The following NALF1 variants were observed in gnomAD, a reference collection of about 807,000 sequenced individuals.
The protein encoded by NALF1 is family with sequence similarity 155 member A.
In NALF1, 3 loss-of-function variants were observed where a neutral mutation model predicts 48.4. The observed-to-expected ratio is 0.06, with a 90% CI of 0.03 to 0.16. NALF1 has a LOEUF of 0.16. Among genes scored for constraint, NALF1 ranks in the 10% least tolerant of loss-of-function variants. The probability of loss-of-function intolerance (pLI) is 1.00; values close to 1 mark genes in which losing one functional copy is unlikely to be tolerated. For synonymous variants in NALF1, 262 were observed against 245.7 expected, an observed-to-expected ratio of 1.07 and a Z score of -0.62; for missense variants, 526 against 571.5, an observed-to-expected ratio of 0.92 and a Z score of 0.81.
intron 1 of NALF1, among the ~76,000 whole-genome samples, chr13:107,566,278 C>A (rs1411972252): frequency 6.6e-6 from 1 of 152,118 alleles, no homozygotes; most frequent in Admixed American, 6.5e-5. Context: ...AGGTAACCTG[C>A]CAGCATCTTT....
chr13:107,789,075 C>T (rs1194178732), intron 1 of NALF1: 2 of 152,056 alleles, frequency 1.3e-5, no homozygotes, highest in East Asian at 1.9e-4. Flanking sequence ...ACCTCTCCCT[C>T]GGGTTGCCGT....
intron 1 of NALF1, among the ~76,000 whole-genome samples, chr13:107,414,114 C>T (rs1031344149): frequency 6.6e-6 from 1 of 151,928 alleles, no homozygotes; most frequent in Admixed American, 6.6e-5. Context: ...TTTTAAAATG[C>T]CATGTAGTCA....
At chr13:107,400,374 G>GC (rs1219290509) in intron 1 of NALF1, among the ~76,000 whole-genome samples, 1 of 152,056 alleles carries the variant, frequency 6.6e-6, no homozygotes, top group Non-Finnish European at 1.5e-5. Context: ...GGAGGAGATG[G>GC]CCCTCAACCT....
chr13:107,304,543 G>T (rs1278829191), intron 1 of NALF1, among the ~76,000 whole-genome samples: 1 of 152,154 alleles, frequency 6.6e-6, no homozygotes, highest in African/African-American at 2.4e-5. Flanking sequence ...CAGCTTGAGA[G>T]GTTTAATGAC....
chr13:107,322,303 C>A (rs146444371), intron 1 of NALF1, among the ~76,000 whole-genome samples: 1 of 152,244 alleles, frequency 6.6e-6, no homozygotes, highest in Admixed American at 6.5e-5. Context: ...ATTCAAAAGA[C>A]TGGTTAATAT....
chr13:107,647,705 G>T (rs1321089992), intron 1 of NALF1, among the ~76,000 whole-genome samples: 2 of 151,922 alleles, frequency 1.3e-5, no homozygotes, highest in Non-Finnish European at 2.9e-5. Context: ...ATAAATAGAG[G>T]AGAAAAATGT....
At chr13:107,637,632 G>C (rs113535757) in intron 1 of NALF1, among the ~76,000 whole-genome samples, 157 of 152,246 alleles carry the variant, frequency 1.0e-3, no homozygotes, top group African/African-American at 3.3e-3. Context: ...AGTGTGTCCA[G>C]TGCAGCCTGT....
At chr13:107,806,155 G>A (rs540805284) in intron 1 of NALF1, among the ~76,000 whole-genome samples, 1 of 152,278 alleles carries the variant, frequency 6.6e-6, no homozygotes, top group African/African-American at 2.4e-5. Context: ...ATGCGTTTTA[G>A]AGGGCTGACC....
intron 1 of NALF1, among the ~76,000 whole-genome samples, chr13:107,353,635 T>C (rs979153813): frequency 3.3e-5 from 5 of 152,208 alleles, no homozygotes; most frequent in African/African-American, 1.2e-4. Context: ...AAAAACAAGA[T>C]CTGCCTGCTA....
At position 107,866,843 on chromosome 13, in the gene NALF1, G is replaced by T; in HGVS notation, c.-247C>A. ...ATTACCAGGCTTTGAAGGAAGGTCTGACTTGCTTCCTAATCATCAGCCGAC... is the reference window on the plus strand; with the variant it reads ...ATTACCAGGCTTTGAAGGAAGGTCTTACTTGCTTCCTAATCATCAGCCGAC... On this transcript the variant is annotated 5_prime_UTR_variant, in exon 1 of 3. Transcript: ENST00000375915. This position sits in a 1 kb window ranked among gnomAD's most constrained non-coding sequence, Gnocchi z 4.4. 1.9e-6 allele frequency: 1 copy of T among 539,342 alleles called. No homozygotes were observed. The highest frequency in any genetic ancestry group is 3.3e-6 in the Non-Finnish European group (1 of 307,128). The allele number at this position is 539,342 out of a possible 1,614,324, so 33.4% of individuals were successfully genotyped here.
intron 1 of NALF1, among the ~76,000 whole-genome samples, chr13:107,861,455 G>A (rs1880565531): frequency 6.6e-6 from 1 of 152,170 alleles, no homozygotes; most frequent in African/African-American, 2.4e-5. Context: ...AAATTTAAGT[G>A]ATAAAAAATT....
intron 1 of NALF1, among the ~76,000 whole-genome samples, chr13:107,619,549 C>T (rs1014141550): frequency 6.6e-6 from 1 of 152,188 alleles, no homozygotes; most frequent in Non-Finnish European, 1.5e-5. Flanking sequence ...CGAATTTTAA[C>T]ACGTTGCATT....
chr13:107,171,807 C>T (rs1340810767), intron 2 of NALF1, among the ~76,000 whole-genome samples: 2 of 152,084 alleles, frequency 1.3e-5, no homozygotes, highest in African/African-American at 2.4e-5. Flanking sequence ...GAACTTTCTA[C>T]ACAAATTTTG....
At chr13:107,363,904 A>G (rs374152858) in intron 1 of NALF1, among the ~76,000 whole-genome samples, 6 of 152,298 alleles carry the variant, frequency 3.9e-5, no homozygotes, top group Middle Eastern at 3.4e-3. Context: ...GTTCTGAGTG[A>G]TTGATAGGTA....
chr13:107,554,563 G>C (rs1392546002), intron 1 of NALF1, among the ~76,000 whole-genome samples: 2 of 152,164 alleles, frequency 1.3e-5, no homozygotes, highest in East Asian at 1.9e-4. Flanking sequence ...CAGAGGCCCA[G>C]AGAGGCTGAG....
chr13:107,685,740 G>C (rs747928575), intron 1 of NALF1, among the ~76,000 whole-genome samples: 30 of 152,158 alleles, frequency 2.0e-4, no homozygotes, highest in Non-Finnish European at 3.8e-4. Flanking sequence ...ACCTAATAAA[G>C]AGCAGCAACA....
At chr13:107,278,509 C>G (rs191012817) in intron 1 of NALF1, among the ~76,000 whole-genome samples, 21 of 152,176 alleles carry the variant, frequency 1.4e-4, no homozygotes, top group Admixed American at 1.0e-3. Flanking sequence ...ATAGCACCAC[C>G]CATGTGATGG....
Position 107,867,106 on chromosome 13 carries a change from G to C in NALF1, c.-510C>G, listed in dbSNP as rs1034086560. Among the ~76,000 whole-genome samples the C allele has an allele frequency of 2.9e-4, 44 of 151,726 alleles. 1 individual carries two copies. Among genetic ancestry groups the C allele is most frequent in the Admixed American group, 2.4e-3 (37 of 15,276 alleles). ...TGCCGCGCCTCCGCTGCCCACTGAC[G>C]GCGCCCGGAGCGCCTCCCCTCCTCC... On this transcript the variant is annotated 5_prime_UTR_variant, in exon 1 of 3. Transcript: ENST00000375915. This position sits in a 1 kb window ranked among gnomAD's most constrained non-coding sequence, Gnocchi z 4.4.
chr13:107,735,848 C>A (rs1457212375), intron 1 of NALF1, among the ~76,000 whole-genome samples: 1 of 152,162 alleles, frequency 6.6e-6, no homozygotes, highest in African/African-American at 2.4e-5. Context: ...CAAATTACAT[C>A]ATCACAGCTA....
Sources: gnomAD v4.1 joint callset for allele counts (sites outside exome capture counted in the v4.1 genomes callset) on GRCh38, gnomAD v4.1.1 for gene constraint, Gnocchi (gnomAD v3.1) non-coding constraint, MANE v1.5 for transcripts, NCBI Gene and HGNC (gene_info 2026-07-23, HGNC 2026-07-21) for gene names.